LYPLAL1: variants seen among roughly 807,000 people sequenced by gnomAD.
LYPLAL1 encodes lysophospholipase like 1.
A neutral mutation model predicts 19.7 loss-of-function variants in LYPLAL1; 23 were observed. The ratio of observed to expected loss-of-function variants is 1.17; its 90% CI spans 0.84 to 1.65. LYPLAL1 has a LOEUF of 1.65. LYPLAL1 is among the 40% of genes most tolerant of loss of function. The probability of loss-of-function intolerance (pLI) is 0.00; values close to 1 mark genes in which losing one functional copy is unlikely to be tolerated. For missense variants in LYPLAL1, 355 were observed against 279.4 expected, an observed-to-expected ratio of 1.27 and a Z score of -1.93; for synonymous variants, 119 against 96.3, an observed-to-expected ratio of 1.24 and a Z score of -1.38.
downstream of LYPLAL1, among the ~76,000 whole-genome samples, chr1:219,215,425 TTG>T (rs1363025900): frequency 6.6e-6 from 1 of 152,102 alleles, no homozygotes; most frequent in African/African-American, 2.4e-5. Flanking sequence ...AACTTGATTA[TTG>T]TGTGTCTTGG....
Position 219,173,886 on chromosome 1 carries a change from C to G in LYPLAL1, c.-5C>G. On this transcript the variant is annotated 5_prime_UTR_variant, in exon 1 of 5. It adds an upstream start codon to the 5' untranslated region. Coordinates refer to ENST00000366928, the MANE Select transcript of LYPLAL1 (RefSeq NM_138794.5). ...GGAACCGCATGACTGGCAGTGGCAT[C>G]AGCGATGGCGGCTGCGTCGGGGTCG... 6.2e-7 allele frequency: 1 copy of G among 1,611,970 alleles called. No homozygotes were observed. Among genetic ancestry groups the G allele is most frequent in the Non-Finnish European group, 8.5e-7 (1 of 1,179,870 alleles).
At chr1:219,213,132 A>C (rs187139111), downstream of LYPLAL1, among the ~76,000 whole-genome samples, 1 of 152,120 alleles carries the variant, frequency 6.6e-6, no homozygotes. Flanking sequence ...TGAATGTGTT[A>C]ATTTTTATAT....
the LYPLAL1 span, among the ~76,000 whole-genome samples, chr1:219,275,161 A>C: frequency 6.6e-6 from 1 of 152,180 alleles, no homozygotes; most frequent in Non-Finnish European, 1.5e-5. Flanking sequence ...GTATTTAGGA[A>C]AATTTATTGG....
At chr1:219,176,027 A>C (rs1431227992) in intron 1 of LYPLAL1, among the ~76,000 whole-genome samples, 1 of 152,204 alleles carries the variant, frequency 6.6e-6, no homozygotes, top group East Asian at 1.9e-4. Context: ...GGCTGAAAAA[A>C]TGTTGTTAAA....
At chr1:219,377,047 A>G in the LYPLAL1 span, among the ~76,000 whole-genome samples, 12 of 152,216 alleles carry the variant, frequency 7.9e-5, no homozygotes, top group African/African-American at 2.9e-4. Flanking sequence ...TCGTAGAAGC[A>G]TTATTCATAA....
At chr1:219,387,688 A>T in the LYPLAL1 span, among the ~76,000 whole-genome samples, 1 of 152,206 alleles carries the variant, frequency 6.6e-6, no homozygotes, top group Non-Finnish European at 1.5e-5. Flanking sequence ...TTTGGAAAAA[A>T]TTCACAGATG....
the LYPLAL1 span, chr1:219,409,652 G>A: frequency 6.6e-6 from 1 of 152,120 alleles, no homozygotes; most frequent in South Asian, 2.1e-4. Flanking sequence ...TAGTGAGATG[G>A]GTCTCTTCAA....
At chr1:219,331,808 G>A in the LYPLAL1 span, among the ~76,000 whole-genome samples, 1 of 152,142 alleles carries the variant, frequency 6.6e-6, no homozygotes, top group Non-Finnish European at 1.5e-5. Flanking sequence ...GTGCGTTGGA[G>A]AGGTACAATT....
the LYPLAL1 span, among the ~76,000 whole-genome samples, chr1:219,439,972 T>TATATATATAC: frequency 3.7e-4 from 42 of 114,068 alleles, no homozygotes; most frequent in African/African-American, 1.7e-3. Context: ...TATATATATA[T>TATATATATAC]ACATATATAT....
intron 2 of LYPLAL1, among the ~76,000 whole-genome samples, chr1:219,189,458 A>G (rs761841393): frequency 7.9e-5 from 12 of 151,670 alleles, no homozygotes; most frequent in Non-Finnish European, 1.5e-4. Context: ...CAGAGTAATG[A>G]AAATGAGTAA....
At chr1:219,372,729 G>C in the LYPLAL1 span, among the ~76,000 whole-genome samples, 2 of 151,898 alleles carry the variant, frequency 1.3e-5, no homozygotes, top group African/African-American at 4.8e-5. Context: ...GTGAAACCCT[G>C]CCTCTACAAA....
chr1:219,335,382 T>A, the LYPLAL1 span, among the ~76,000 whole-genome samples: 17 of 152,048 alleles, frequency 1.1e-4, no homozygotes, highest in African/African-American at 3.9e-4. Context: ...ATATTCCAGA[T>A]TTTAGAACAC....
the LYPLAL1 span, among the ~76,000 whole-genome samples, chr1:219,294,418 A>C: frequency 7.5e-6 from 1 of 134,180 alleles, no homozygotes; most frequent in Non-Finnish European, 1.6e-5. Context: ...TCTGTTTTTC[A>C]TGGAGAACAC....
chr1:219,271,756 T>G, the LYPLAL1 span: 9 of 152,210 alleles, frequency 5.9e-5, no homozygotes, highest in Non-Finnish European at 1.5e-5. Context: ...TTTTTTTAAC[T>G]TTACAAAAGG....
At chr1:219,217,379 G>GGTGTGTGT (rs371579948), downstream of LYPLAL1, among the ~76,000 whole-genome samples, 3,234 of 134,102 alleles carry the variant, frequency 0.024, 77 homozygotes, top group African/African-American at 0.057. Context: ...TGCCAGGTTT[G>GGTGTGTGT]GTGTGTGTGT....
chr1:219,319,006 G>A, the LYPLAL1 span, among the ~76,000 whole-genome samples: 2 of 152,136 alleles, frequency 1.3e-5, no homozygotes, highest in Non-Finnish European at 2.9e-5. Context: ...CAAATGAAAG[G>A]CTTTATCGCA....
At chr1:219,379,691 T>G in the LYPLAL1 span, among the ~76,000 whole-genome samples, 2 of 152,168 alleles carry the variant, frequency 1.3e-5, no homozygotes, top group Non-Finnish European at 2.9e-5. Context: ...TTAATAATGG[T>G]GAGTGGGATG....
rs2125115131 is a variant in LYPLAL1, at chr1:219,209,828, C to CT, written c.362-703dup. On this transcript the variant is annotated intron_variant, in intron 3 of 4. Transcript: ENST00000366928. ...GATGTGTTTCCTTCTCAAAGTTCCC[C>CT]TGAACAGGAGGGTCTGTGTATTTTA... Among the ~76,000 whole-genome samples the CT allele has an allele frequency of 2.0e-5, 3 of 152,138 alleles. No homozygotes were observed. In the East Asian group the frequency reaches 5.8e-4, roughly 29 times the overall value.
downstream of LYPLAL1, among the ~76,000 whole-genome samples, chr1:219,217,399 TGTGTGTGTGAGA>T (rs1659332163): frequency 7.4e-6 from 1 of 135,668 alleles, no homozygotes; most frequent in Non-Finnish European, 1.7e-5. Context: ...TGTGTGTGTG[TGTGTGTGTGAGA>T]GATGGTTGTA....
Sources: gnomAD v4.1 joint callset for allele counts (sites outside exome capture counted in the v4.1 genomes callset) on GRCh38, gnomAD v4.1.1 for gene constraint, MANE v1.5 for transcripts, NCBI Gene and HGNC (gene_info 2026-07-23, HGNC 2026-07-21) for gene names.